EYA2: variants seen among roughly 807,000 people sequenced by gnomAD.
EYA2 encodes EYA transcriptional coactivator and phosphatase 2.
Under a neutral mutation model 69.2 loss-of-function variants are expected in EYA2, and 31 were observed. The ratio of observed to expected loss-of-function variants is 0.45; its 90% CI spans 0.34 to 0.60. The LOEUF is 0.60. EYA2 is among the 20% of genes least tolerant of loss of function. The pLI is 0.02. For missense variants in EYA2, 622 were observed against 701.2 expected, an observed-to-expected ratio of 0.89 and a Z score of 1.28; for synonymous variants, 257 against 279.4, an observed-to-expected ratio of 0.92 and a Z score of 0.80.
At chr20:46,997,374 A>G (rs1982097110) in intron 2 of EYA2, among the ~76,000 whole-genome samples, 1 of 152,092 alleles carries the variant, frequency 6.6e-6, no homozygotes, top group South Asian at 2.1e-4. Flanking sequence ...CCAGTTCTGA[A>G]CTCATGCCTG....
intron 10 of EYA2, among the ~76,000 whole-genome samples, chr20:47,153,657 GAAAA>G: frequency 6.8e-6 from 1 of 147,280 alleles, no homozygotes; most frequent in South Asian, 2.2e-4. Context: ...GAATATCTCA[GAAAA>G]AAAAAAGACT....
At chr20:47,122,426 T>G (rs1394879709) in intron 9 of EYA2, among the ~76,000 whole-genome samples, 1 of 151,590 alleles carries the variant, frequency 6.6e-6, no homozygotes, top group African/African-American at 2.4e-5. Flanking sequence ...CCCAAGTAGC[T>G]GGGTCTACAG....
chr20:47,013,693 C>T lies in EYA2; in HGVS notation c.299-2488C>T, dbSNP rs1983224476. On this transcript the variant is annotated intron_variant, in intron 4 of 15. Transcript: ENST00000327619. ...AGGGAGCGAAGGAGCCCAGGAAAGG[C>T]AGTGAGGTCGGAGGGGTGGGCAGAG... Among the ~76,000 whole-genome samples the T allele has an allele frequency of 4.6e-5, 7 of 152,192 alleles. No individual in the cohort carries two copies. The South Asian group carries it at 1.4e-3, about 31-fold the overall frequency.
chr20:47,088,326 C>A (rs1362859041), intron 7 of EYA2, among the ~76,000 whole-genome samples: 5 of 152,372 alleles, frequency 3.3e-5, no homozygotes, highest in Non-Finnish European at 5.9e-5. Flanking sequence ...CCCCCGTTTA[C>A]CTCTGGGGCA....
At chr20:46,937,059 G>C (rs549601351) in intron 1 of EYA2, among the ~76,000 whole-genome samples, 1 of 152,232 alleles carries the variant, frequency 6.6e-6, no homozygotes, top group South Asian at 2.1e-4. Flanking sequence ...GCCCTGTGAA[G>C]AAAGAGACAA....
At chr20:47,086,205 G>A (rs918897210) in intron 7 of EYA2, among the ~76,000 whole-genome samples, 1 of 152,156 alleles carries the variant, frequency 6.6e-6, no homozygotes, top group Non-Finnish European at 1.5e-5. Flanking sequence ...AGGTTTAATG[G>A]CTGGGCACAG....
intron 10 of EYA2, among the ~76,000 whole-genome samples, chr20:47,164,794 A>G (rs1373900137): frequency 6.6e-6 from 1 of 152,134 alleles, no homozygotes; most frequent in Non-Finnish European, 1.5e-5. Flanking sequence ...ACAAGAAGAG[A>G]AAGGGAAGAG....
chr20:47,103,340 T>C (rs2032480807), intron 9 of EYA2, among the ~76,000 whole-genome samples: 1 of 152,164 alleles, frequency 6.6e-6, no homozygotes, highest in African/African-American at 2.4e-5. Flanking sequence ...GGATATTTCA[T>C]ATAAAGGGAA....
In EYA2 at chr20:46,976,067, A is replaced by G. The variant is rs1018432238; in HGVS notation, c.-10-13934A>G. On this transcript the variant is annotated intron_variant, in intron 1 of 15. Coordinates refer to ENST00000327619, the MANE Select transcript of EYA2 (RefSeq NM_005244.5). ...GCTGGGGAGGCATATTGCTTATGCAATTGCTTATGTAAGCTGAGTGCGGCG... is the reference window on the plus strand; with the variant it reads ...GCTGGGGAGGCATATTGCTTATGCAGTTGCTTATGTAAGCTGAGTGCGGCG... 6.6e-5 allele frequency among the ~76,000 whole-genome samples: 10 copies of G among 152,104 alleles called. 1 individual carries two copies. Among genetic ancestry groups the G allele is most frequent in the Admixed American group, 2.0e-4 (3 of 15,284 alleles).
At chr20:47,099,494 G>A (rs1444631604) in intron 9 of EYA2, among the ~76,000 whole-genome samples, 1 of 152,194 alleles carries the variant, frequency 6.6e-6, no homozygotes, top group East Asian at 1.9e-4. Context: ...TCTAGCCTGG[G>A]CAACAGAGCA....
chr20:47,066,368 A>G (rs2031109203), intron 5 of EYA2, among the ~76,000 whole-genome samples: 2 of 152,230 alleles, frequency 1.3e-5, no homozygotes, highest in African/African-American at 4.8e-5. Context: ...CAGGCACTGG[A>G]GGCTACTTTT....
At chr20:47,012,006 C>T (rs1395349383) in intron 4 of EYA2, among the ~76,000 whole-genome samples, 1 of 152,166 alleles carries the variant, frequency 6.6e-6, no homozygotes, top group African/African-American at 2.4e-5. Flanking sequence ...TGTGTTTTTA[C>T]TTGTTTTTCT....
chr20:46,974,665 C>T (rs1020770818), intron 1 of EYA2, among the ~76,000 whole-genome samples: 1 of 152,116 alleles, frequency 6.6e-6, no homozygotes, highest in East Asian at 1.9e-4. Flanking sequence ...GGACTCTTCC[C>T]TTACAGGAAG....
At chr20:47,125,964 G>A (rs2146567777) in intron 9 of EYA2, among the ~76,000 whole-genome samples, 1 of 152,262 alleles carries the variant, frequency 6.6e-6, no homozygotes, top group Non-Finnish European at 1.5e-5. Context: ...CTGAAGTTCA[G>A]GACGTCAGGG....
rs1259111572 is a variant in EYA2, at chr20:47,143,086, C to T, written c.916C>T (p.Leu306Phe). ...CACCACGACGTCCGTGCGCATTGGCCTTATGATGGAAGAGATGATCTTCAA... is the reference window on the plus strand; with the variant it reads ...CACCACGACGTCCGTGCGCATTGGCTTTATGATGGAAGAGATGATCTTCAA... Reference protein sequence around the residue: ...KDTTTSVRIGLMMEEMIFNLA... With the variant: ...KDTTTSVRIGFMMEEMIFNLA... Residue 306 changes from leucine (L) to phenylalanine (F), a missense_variant, in exon 10 of 16, where the codon CTT (leucine) becomes TTT (phenylalanine). Leu to Phe is a conservative substitution (Grantham distance 22). This residue lies in a region of EYA2 where 257 missense variants were observed against 351.5 expected (regional missense o/e 0.73). Coordinates refer to ENST00000327619, the MANE Select transcript of EYA2 (RefSeq NM_005244.5). The T allele has an allele frequency of 1.2e-6, 2 of 1,613,960 alleles. No homozygotes were observed. The highest frequency in any genetic ancestry group is 2.2e-5 in the East Asian group (1 of 44,872).
rs761670460 is a variant in EYA2, at chr20:46,983,996, C to T, written c.-10-6005C>T. On this transcript the variant is annotated intron_variant, in intron 1 of 15. Coordinates refer to ENST00000327619, the MANE Select transcript of EYA2 (RefSeq NM_005244.5). ...TGACTAAAAATACAAGCTATCCCGT[C>T]GTAGCTGGGAGGTGCACTCAGTTGG... Among the ~76,000 whole-genome samples, 9 of 152,072 alleles carry T rather than the reference C, an allele frequency of 5.9e-5. No individual in the cohort carries two copies. The East Asian group carries it at 1.2e-3, about 20-fold the overall frequency.
chr20:47,024,618 A>G (rs779701641), intron 5 of EYA2, among the ~76,000 whole-genome samples: 4 of 152,230 alleles, frequency 2.6e-5, no homozygotes, highest in Non-Finnish European at 5.9e-5. Flanking sequence ...TTCCAGCCAC[A>G]TTAGCCTCCG....
chr20:46,897,563 T>A (rs1172054690), intron 1 of EYA2, among the ~76,000 whole-genome samples: 1 of 152,194 alleles, frequency 6.6e-6, no homozygotes, highest in East Asian at 1.9e-4. Flanking sequence ...CACCAGATGT[T>A]TTTTAGGTGT....
chr20:47,156,159 T>C lies in EYA2; in HGVS notation c.979-12980T>C, dbSNP rs755372495. On this transcript the variant is annotated intron_variant, in intron 10 of 15. Transcript: ENST00000327619. Reference sequence around the variant, plus strand: ...ATATATATATATATATATATATATATATATATATATATATATATATATATA... The same window carrying C: ...ATATATATATATATATATATATATACATATATATATATATATATATATATA... Among the ~76,000 whole-genome samples, 182 of 36,064 alleles carry C rather than the reference T, an allele frequency of 5.0e-3. 13 individuals carry two copies. The highest frequency in any genetic ancestry group is 7.3e-3 in the Admixed American group (27 of 3,696). The allele number at this position is 36,064 out of a possible 152,430, so 23.7% of individuals were successfully genotyped here. A position where few individuals can be genotyped will look rare whatever the true frequency, so the allele number is the denominator to read the frequency against.
Sources: allele counts gnomAD v4.1 joint callset (sites outside exome capture counted in the v4.1 genomes callset), GRCh38; gene constraint gnomAD v4.1.1; regional missense constraint gnomAD v4.1.1; transcripts MANE v1.5; gene names NCBI Gene and HGNC (gene_info 2026-07-23, HGNC 2026-07-21).